ARHGAP21: variants seen among roughly 807,000 people sequenced by gnomAD.
ARHGAP21 encodes the protein rho GTPase-activating protein 21.
In ARHGAP21, 38 loss-of-function variants were observed where a neutral mutation model predicts 164.6. That is an observed-to-expected ratio of 0.23 (90% CI 0.18 to 0.30). The LOEUF is 0.30. Among genes scored for constraint, ARHGAP21 ranks in the 10% least tolerant of loss-of-function variants. ARHGAP21 has a pLI of 1.00. For synonymous variants in ARHGAP21, 766 were observed against 857.9 expected (o/e 0.89, Z 1.87); for missense variants, 1,822 against 2,370.7 (o/e 0.77, Z 4.81).
At chr10:24,665,816 T>G (rs1840135793) in intron 4 of ARHGAP21, among the ~76,000 whole-genome samples, 1 of 151,906 alleles carries the variant, frequency 6.6e-6, no homozygotes, top group Admixed American at 6.6e-5. Context: ...ATGAAGGACA[T>G]TCTAAAAAAT....
chr10:24,612,398 C>T (rs2077301861), intron 9 of ARHGAP21, among the ~76,000 whole-genome samples: 2 of 152,184 alleles, frequency 1.3e-5, no homozygotes, highest in Admixed American at 6.5e-5. Flanking sequence ...ACAGCAACAG[C>T]ATGTATATAT....
rs781720620 is a variant in ARHGAP21 at position 24,591,378 on chromosome 10, T to G, written c.4045-48A>C. 4.2e-5 allele frequency: 63 copies of G among 1,483,092 alleles called. 1 individual carries two copies. The East Asian group carries it at 1.4e-3, about 32-fold the overall frequency. 91.9% of individuals were successfully genotyped at this position (1,483,092 alleles called of 1,614,324 possible). A position where few individuals can be genotyped will look rare whatever the true frequency, so the allele number is the denominator to read the frequency against. On this transcript the variant is annotated intron_variant, in intron 23 of 25. Transcript: ENST00000396432. ...TCTTCATCATCTCTTCAAAGATACT[T>G]TCTTTAAAATTTAAACAACATTTAG...
rs1409673805 is a variant in ARHGAP21, at chr10:24,585,806, T to C, written c.4483A>G (p.Lys1495Glu). 2.5e-6 allele frequency: 4 copies of C among 1,613,936 alleles called. No individual in the cohort carries two copies. Among genetic ancestry groups the C allele is most frequent in the Non-Finnish European group, 2.5e-6 (3 of 1,179,882 alleles). ...GGTTCTTCAGAAGGCGTGCTCTCTT[T>C]TCCTAGTGATATCTTTTCATCTTTT... ...TTKDEKISLG[K>E]ESTPSEEPSP... Residue 1495 changes from lysine (K) to glutamate (E), a missense_variant, in exon 26 of 26, where the codon AAA becomes GAA. By Grantham distance (56) the Lys-to-Glu change is moderately conservative. Transcript: ENST00000396432.
intron 12 of ARHGAP21, among the ~76,000 whole-genome samples, chr10:24,603,910 C>T (rs1044991611): frequency 1.3e-5 from 2 of 151,974 alleles, no homozygotes; most frequent in Admixed American, 6.6e-5. Context: ...GCAGGAGAAT[C>T]GCTTGAACCC....
chr10:24,620,549 T>C lies in ARHGAP21; in HGVS notation c.1346A>G (p.Gln449Arg), dbSNP rs200176149. 1.9e-5 allele frequency: 30 copies of C among 1,613,840 alleles called. No individual in the cohort carries two copies. Among genetic ancestry groups the C allele is most frequent in the Admixed American group, 3.3e-5 (2 of 59,994 alleles). ...RRSTSHDRVP[Q>R]SVQIRQRSVS... Reference sequence around the variant, plus strand: ...ACTGCGTTGCCGTATCTGGACAGACTGGGGCACTCGATCATGAGAGGTGCT... The same window carrying C: ...ACTGCGTTGCCGTATCTGGACAGACCGGGGCACTCGATCATGAGAGGTGCT... Residue 449 changes from glutamine to arginine, a missense_variant, in exon 9 of 26, where the codon CAG becomes CGG. Gln to Arg is a conservative substitution (Grantham distance 43). Transcript: ENST00000396432.
At chr10:24,643,761 C>CA (rs1837304985) in intron 4 of ARHGAP21, among the ~76,000 whole-genome samples, 2 of 152,200 alleles carry the variant, frequency 1.3e-5, no homozygotes, top group Non-Finnish European at 2.9e-5. Context: ...GCAGGACAAG[C>CA]ATTGATTTAC....
chr10:24,646,480 A>G (rs1837584047), intron 4 of ARHGAP21, among the ~76,000 whole-genome samples: 2 of 152,182 alleles, frequency 1.3e-5, no homozygotes, highest in African/African-American at 4.8e-5. Context: ...GCTACAAAAA[A>G]TACAAAAATC....
chr10:24,645,649 G>A (rs1267976339), intron 4 of ARHGAP21, among the ~76,000 whole-genome samples: 2 of 151,368 alleles, frequency 1.3e-5, no homozygotes, highest in Admixed American at 1.3e-4. Context: ...AATTACCTAA[G>A]TACAAAAATA....
intron 1 of ARHGAP21, 180 bp downstream of exon 1, chr10:24,723,382 C>A (rs1246980901): frequency 2.7e-5 from 4 of 147,226 alleles, no homozygotes; most frequent in Admixed American, 1.3e-4. Context: ...GCTCCGCACA[C>A]GCGGGCGCGG....
chr10:24,699,765 C>T (rs143141240), intron 2 of ARHGAP21, among the ~76,000 whole-genome samples: 76 of 152,212 alleles, frequency 5.0e-4, no homozygotes, highest in African/African-American at 1.6e-3. Flanking sequence ...TATGTGGCCC[C>T]GACAAGAGAC....
At chr10:24,705,381 G>A (rs1351410195) in intron 2 of ARHGAP21, among the ~76,000 whole-genome samples, 1 of 152,128 alleles carries the variant, frequency 6.6e-6, no homozygotes, top group Non-Finnish European at 1.5e-5. Context: ...CAATCTTACG[G>A]TGAAACAAAC....
chr10:24,660,549 A>G (rs1839579901), intron 4 of ARHGAP21, among the ~76,000 whole-genome samples: 1 of 152,140 alleles, frequency 6.6e-6, no homozygotes, highest in Admixed American at 6.6e-5. Context: ...CCATGCTTGA[A>G]AAGTCTCCCA....
At chr10:24,624,372 C>T (rs1834878596) in intron 7 of ARHGAP21, among the ~76,000 whole-genome samples, 1 of 117,670 alleles carries the variant, frequency 8.5e-6, no homozygotes, top group Admixed American at 1.0e-4. Context: ...CCGAGTCTCA[C>T]TCTGTTGCCC....
chr10:24,587,540 G>T (rs183634444), intron 25 of ARHGAP21, among the ~76,000 whole-genome samples: 1 of 152,320 alleles, frequency 6.6e-6, no homozygotes, highest in Admixed American at 6.5e-5. Flanking sequence ...CAGATGAACA[G>T]AACTTTGTTT....
intron 4 of ARHGAP21, among the ~76,000 whole-genome samples, chr10:24,653,418 CA>C (rs1003583827): frequency 6.6e-6 from 1 of 151,712 alleles, no homozygotes; most frequent in Non-Finnish European, 1.5e-5. Flanking sequence ...ACTAAAAATA[CA>C]AAAAAAATTA....
intron 2 of ARHGAP21, among the ~76,000 whole-genome samples, chr10:24,715,986 G>A (rs1353411556): frequency 2.0e-5 from 3 of 152,178 alleles, no homozygotes; most frequent in Non-Finnish European, 2.9e-5. Flanking sequence ...TCAAGCCTGC[G>A]TGACAATGCA....
intron 2 of ARHGAP21, among the ~76,000 whole-genome samples, chr10:24,716,547 G>T (rs898328676): frequency 6.6e-6 from 1 of 152,256 alleles, no homozygotes; most frequent in African/African-American, 2.4e-5. Context: ...GCGGGAAGAG[G>T]CACAGGAGGT....
chr10:24,652,119 A>T (rs1838236810), intron 4 of ARHGAP21, among the ~76,000 whole-genome samples: 1 of 152,150 alleles, frequency 6.6e-6, no homozygotes, highest in South Asian at 2.1e-4. Flanking sequence ...AAAAATACAG[A>T]TCTATTCTTA....
At chr10:24,712,555 ATACTGTGGT>A (rs1844937927) in intron 2 of ARHGAP21, among the ~76,000 whole-genome samples, 1 of 152,208 alleles carries the variant, frequency 6.6e-6, no homozygotes, top group Non-Finnish European at 1.5e-5. Context: ...AACGGTTGTT[ATACTGTGGT>A]TTTGGGAATA....
Sources: gnomAD v4.1 joint callset for allele counts (sites outside exome capture counted in the v4.1 genomes callset) on GRCh38, gnomAD v4.1.1 for gene constraint, MANE v1.5 for transcripts, NCBI Gene and HGNC (gene_info 2026-07-23, HGNC 2026-07-21) for gene names.